IPO5: variants seen among roughly 807,000 people sequenced by gnomAD.
IPO5 encodes importin-5.
A neutral mutation model predicts 143.3 loss-of-function variants in IPO5; 18 were observed. The observed-to-expected ratio is 0.13, with a 90% CI of 0.09 to 0.19. The LOEUF (loss-of-function observed/expected upper bound fraction) is 0.19, where lower values mean the gene tolerates loss of function less well. Ranked by LOEUF, IPO5 falls within the 10% of genes least tolerant of loss-of-function variation. The probability of loss-of-function intolerance (pLI) is 1.00; values close to 1 mark genes in which losing one functional copy is unlikely to be tolerated. For missense variants in IPO5, 1,013 were observed against 1,336.9 expected (o/e 0.76, Z 3.78); for synonymous variants, 477 against 465.7 (o/e 1.02, Z -0.31).
chr13:98,020,683 C>CT (rs1268437401), intron 27 of IPO5, among the ~76,000 whole-genome samples: 2 of 152,124 alleles, frequency 1.3e-5, no homozygotes, highest in Non-Finnish European at 2.9e-5. Context: ...ATTTTAGAAG[C>CT]TATTTTGTAG....
intron 16 of IPO5, among the ~76,000 whole-genome samples, chr13:98,005,370 TTTATTTA>T (rs1889146379): frequency 4.2e-5 from 1 of 23,800 alleles, no homozygotes; most frequent in Non-Finnish European, 7.7e-5. Context: ...CTAATTTTTA[TTTATTTA>T]TTTATTTATT....
intron 21 of IPO5, among the ~76,000 whole-genome samples, chr13:98,012,938 C>CCTGGCAAGCA (rs1204352104): frequency 6.6e-6 from 1 of 151,608 alleles, no homozygotes; most frequent in African/African-American, 2.4e-5. Context: ...GAGCACTGTG[C>CCTGGCAAGCA]CTGGCAAGAC....
At position 98,015,653 on chromosome 13, in the gene IPO5, A is replaced by G. The variant is rs1890075236; in HGVS notation, c.2437+12A>G. The G allele has an allele frequency of 6.3e-7, 1 of 1,591,722 alleles. No individual in the cohort carries two copies. The highest frequency in any genetic ancestry group is 8.6e-7 in the Non-Finnish European group (1 of 1,163,092). Reference sequence around the variant, plus strand: ...AGAATTACGACAAGGTAAGTTTTCCATGCTTTTATTTCTGAATATAATCCT... The same window carrying G: ...AGAATTACGACAAGGTAAGTTTTCCGTGCTTTTATTTCTGAATATAATCCT... On this transcript the variant is annotated intron_variant, in intron 23 of 28. Coordinates refer to ENST00000651721, the MANE Select transcript of IPO5 (RefSeq NM_002271.6).
intron 2 of IPO5, among the ~76,000 whole-genome samples, chr13:97,967,316 A>C (rs1885426858): frequency 6.6e-6 from 1 of 151,742 alleles, no homozygotes. Context: ...AAGTTTGTGA[A>C]TTTTGTTGAT....
intron 6 of IPO5, 104 bp from the exon 7 acceptor site, chr13:97,988,958 C>T: frequency 7.9e-6 from 4 of 506,720 alleles, no homozygotes; most frequent in South Asian, 5.7e-5. Context: ...TGACATTTTT[C>T]ACTACTCCAG....
intron 3 of IPO5, 151 bp downstream of exon 3, chr13:97,969,981 G>A: frequency 1.6e-6 from 1 of 622,308 alleles, no homozygotes; most frequent in Non-Finnish European, 2.9e-6. Flanking sequence ...TTACAGGCGT[G>A]AGCCATCACA....
At chr13:97,969,013 G>A (rs894595771) in intron 2 of IPO5, among the ~76,000 whole-genome samples, 3 of 151,660 alleles carry the variant, frequency 2.0e-5, no homozygotes, top group East Asian at 1.9e-4. Flanking sequence ...TAGTAAAAAC[G>A]GGTTTTCTCT....
chr13:97,999,496 A>G (rs922564740), intron 12 of IPO5, among the ~76,000 whole-genome samples: 2 of 152,210 alleles, frequency 1.3e-5, no homozygotes, highest in East Asian at 1.9e-4. Context: ...AACTAGATGA[A>G]TAAGATTTTC....
chr13:97,964,724 C>A (rs1885173662), intron 2 of IPO5, among the ~76,000 whole-genome samples: 1 of 151,806 alleles, frequency 6.6e-6, no homozygotes, highest in African/African-American at 2.4e-5. Context: ...GCTGGGATTA[C>A]AGGCGTGAGC....
Position 98,008,072 on chromosome 13 carries a change from C to T in IPO5, c.1730C>T (p.Ala577Val). Residue 577 changes from alanine (A) to valine (V), a missense_variant, in exon 18 of 29, where the codon GCA becomes GTA. Coordinates refer to ENST00000651721, the MANE Select transcript of IPO5 (RefSeq NM_002271.6). ...ATTTTCCTCTAGTTCATGCAGGATG[C>T]ATCAGATGTGATGCAGCTTTTGTTA... ...AVGKEKFMQDASDVMQLLLKT... is the reference protein window; with the variant it reads ...AVGKEKFMQDVSDVMQLLLKT... 1 of 1,605,260 alleles carries T rather than the reference C, an allele frequency of 6.2e-7. No individual in the cohort carries two copies. Among genetic ancestry groups the T allele is most frequent in the Non-Finnish European group, 8.5e-7 (1 of 1,172,080 alleles).
chr13:97,961,810 T>C (rs1424070351), intron 2 of IPO5, among the ~76,000 whole-genome samples: 2 of 152,184 alleles, frequency 1.3e-5, no homozygotes, highest in Admixed American at 6.6e-5. Context: ...TTTTTAAATA[T>C]TCTGGATATA....
At chr13:97,970,777 AT>A (rs1473350515) in intron 3 of IPO5, among the ~76,000 whole-genome samples, 6 of 152,184 alleles carry the variant, frequency 3.9e-5, no homozygotes, top group Non-Finnish European at 8.8e-5. Context: ...ATCAAACTTG[AT>A]TTTTTTCTTA....
intron 12 of IPO5, 148 bp from the exon 13 acceptor site, chr13:98,000,391 C>G (rs1464657618): frequency 1.8e-6 from 1 of 555,234 alleles, no homozygotes; most frequent in African/African-American, 1.9e-5. Flanking sequence ...AGTTTTTAAC[C>G]CCTAATTTCA....
At chr13:97,963,501 C>T (rs528833119) in intron 2 of IPO5, among the ~76,000 whole-genome samples, 2 of 152,022 alleles carry the variant, frequency 1.3e-5, no homozygotes, top group South Asian at 4.2e-4. Context: ...TCCCAAGTAG[C>T]TGGGACTACA....
intron 6 of IPO5, among the ~76,000 whole-genome samples, chr13:97,986,478 A>G (rs1887361034): frequency 1.3e-5 from 2 of 151,746 alleles, no homozygotes; most frequent in Non-Finnish European, 2.9e-5. Context: ...GCCTCAGCCT[A>G]CCAAGTATCT....
chr13:97,966,206 G>T (rs1056665682), intron 2 of IPO5, among the ~76,000 whole-genome samples: 6 of 150,424 alleles, frequency 4.0e-5, no homozygotes, highest in African/African-American at 1.5e-4. Context: ...AGACATTCTT[G>T]TCTTGATCTC....
rs954208235 is a variant in IPO5 at position 98,003,847 on chromosome 13, CA to C, written c.1497+821del. 3.5e-3 allele frequency among the ~76,000 whole-genome samples: 487 copies of C among 138,710 alleles called. 3 individuals carry two copies. The highest frequency in any genetic ancestry group is 0.01 in the African/African-American group (383 of 37,800). 91.0% of individuals were successfully genotyped at this position (138,710 alleles called of 152,430 possible). A position where few individuals can be genotyped will look rare whatever the true frequency, so the allele number is the denominator to read the frequency against. The stretch of plus-strand genomic sequence containing the variant: ...GGGCAACAAGAGCAAAATTCTGTTT[CA>C]AAAAAAAAAAGATGAAAGAGAAGAA... On this transcript the variant is annotated intron_variant, in intron 16 of 28. Coordinates refer to ENST00000651721, the MANE Select transcript of IPO5 (RefSeq NM_002271.6).
At chr13:97,958,140 T>G (rs1046414711) in intron 2 of IPO5, among the ~76,000 whole-genome samples, 2 of 152,200 alleles carry the variant, frequency 1.3e-5, no homozygotes, top group Non-Finnish European at 2.9e-5. Flanking sequence ...GGAGTTGTCT[T>G]GCAGCTGATT....
intron 12 of IPO5, among the ~76,000 whole-genome samples, chr13:97,998,624 T>C (rs779058628): frequency 6.6e-6 from 1 of 152,198 alleles, no homozygotes; most frequent in African/African-American, 2.4e-5. Context: ...CACTGTGCAG[T>C]AGTAATGATG....
Sources: gnomAD v4.1 joint callset for allele counts (sites outside exome capture counted in the v4.1 genomes callset) on GRCh38, gnomAD v4.1.1 for gene constraint, MANE v1.5 for transcripts, NCBI Gene and HGNC (gene_info 2026-07-23, HGNC 2026-07-21) for gene names.